The following CERS3 variants were observed in gnomAD, a reference collection of about 807,000 sequenced individuals.
CERS3 encodes the protein ceramide synthase 3.
CERS3 carries 33 observed loss-of-function variants against 50.3 expected under a neutral mutation model. The observed-to-expected ratio is 0.66, with a 90% CI of 0.50 to 0.88. The LOEUF (loss-of-function observed/expected upper bound fraction) is 0.88, where lower values mean the gene tolerates loss of function less well. Among genes scored for constraint, CERS3 ranks in the 40% least tolerant of loss-of-function variants. CERS3 has a pLI of 0.00. For missense variants in CERS3, 470 were observed against 460.3 expected, an observed-to-expected ratio of 1.02 and a Z score of -0.19; for synonymous variants, 176 against 155.2, an observed-to-expected ratio of 1.13 and a Z score of -0.99.
At position 100,461,158 on chromosome 15, in the gene CERS3, G is replaced by A. The variant is rs565715874; in HGVS notation, c.846-5112C>T. Among the ~76,000 whole-genome samples the A allele has an allele frequency of 7.2e-5, 11 of 152,276 alleles. No individual in the cohort carries two copies. The East Asian group carries it at 1.9e-3, about 27-fold the overall frequency. On this transcript the variant is annotated intron_variant, in intron 10 of 11. Coordinates refer to ENST00000679737, the MANE Select transcript of CERS3 (RefSeq NM_001378789.1). The stretch of plus-strand genomic sequence containing the variant: ...GTGACACATGTGGAACAGAATATCA[G>A]AGCTGGGTTCAAGGCTCAACACCAC...
intron 11 of CERS3, among the ~76,000 whole-genome samples, chr15:100,445,431 C>A (rs141156508): frequency 1.3e-3 from 202 of 152,342 alleles, no homozygotes; most frequent in African/African-American, 4.5e-3. Context: ...GGCTATGCTG[C>A]ACCTCCTTTG....
chr15:100,501,543 C>T (rs1388498631), intron 3 of CERS3, 134 bp downstream of exon 3: 6 of 706,672 alleles, frequency 8.5e-6, no homozygotes, highest in Non-Finnish European at 1.4e-5. Context: ...TAACTCATCC[C>T]CAGAATCTGT....
At chr15:100,526,901 G>T (rs959007952) in intron 1 of CERS3, among the ~76,000 whole-genome samples, 3 of 152,128 alleles carry the variant, frequency 2.0e-5, no homozygotes, top group African/African-American at 7.2e-5. Flanking sequence ...CCTATGGAAG[G>T]CATTTGACAT....
intron 4 of CERS3, among the ~76,000 whole-genome samples, chr15:100,487,972 A>G (rs2142290353): frequency 6.6e-6 from 1 of 152,346 alleles, no homozygotes; most frequent in Non-Finnish European, 1.5e-5. Context: ...GCTAGATAAT[A>G]AGTTCCACTG....
chr15:100,443,526 G>C (rs12912872), intron 11 of CERS3, among the ~76,000 whole-genome samples: 66,004 of 138,782 alleles, frequency 0.48, 13,960 homozygotes, highest in Non-Finnish European at 0.53. Context: ...ATCCATTATT[G>C]TGTTCTGGAT....
At chr15:100,507,798 C>CCAGCAG (rs975244519) in intron 2 of CERS3, among the ~76,000 whole-genome samples, 13 of 152,312 alleles carry the variant, frequency 8.5e-5, no homozygotes, top group South Asian at 2.1e-4. Context: ...ACAATGCTAT[C>CCAGCAG]CAGCAGCAGC....
At chr15:100,440,447 C>G (rs1029963458) in intron 11 of CERS3, among the ~76,000 whole-genome samples, 4 of 152,184 alleles carry the variant, frequency 2.6e-5, no homozygotes, top group Admixed American at 2.6e-4. Flanking sequence ...GAACAAACCC[C>G]CTTTTTCCTT....
chr15:100,491,952 C>A (rs913036118), intron 3 of CERS3, among the ~76,000 whole-genome samples: 4 of 151,130 alleles, frequency 2.6e-5, no homozygotes, highest in African/African-American at 9.7e-5. Context: ...TCTCCAACTC[C>A]TAGTCTTAAG....
chr15:100,497,328 G>GTGTA (rs1027678875), intron 3 of CERS3, among the ~76,000 whole-genome samples: 3 of 151,842 alleles, frequency 2.0e-5, no homozygotes, highest in African/African-American at 4.8e-5. Flanking sequence ...GTGTGTGTGT[G>GTGTA]TGTGTGTGTA....
At chr15:100,495,116 C>T (rs991825074) in intron 3 of CERS3, among the ~76,000 whole-genome samples, 2 of 152,182 alleles carry the variant, frequency 1.3e-5, no homozygotes, top group Admixed American at 6.5e-5. Context: ...GTAGTGCCTT[C>T]CAGAGAACCA....
At chr15:100,478,906 A>C (rs2142263281) in intron 7 of CERS3, among the ~76,000 whole-genome samples, 1 of 152,274 alleles carries the variant, frequency 6.6e-6, no homozygotes, top group African/African-American at 2.4e-5. Flanking sequence ...CAATAATAGC[A>C]ATGACTTCTA....
At chr15:100,405,005 C>G (rs1470407778) in intron 11 of CERS3, among the ~76,000 whole-genome samples, 1 of 152,044 alleles carries the variant, frequency 6.6e-6, no homozygotes, top group African/African-American at 2.4e-5. Context: ...AACTTTAAAA[C>G]TTTTAGAAGA....
intron 2 of CERS3, among the ~76,000 whole-genome samples, chr15:100,515,169 A>T (rs1251346740): frequency 6.6e-6 from 1 of 152,240 alleles, no homozygotes; most frequent in East Asian, 1.9e-4. Context: ...GGCTTGACAC[A>T]GATAATATGT....
chr15:100,448,464 C>T (rs2034026266), intron 11 of CERS3, among the ~76,000 whole-genome samples: 1 of 152,204 alleles, frequency 6.6e-6, no homozygotes, highest in Admixed American at 6.5e-5. Context: ...ATCCTAGCCA[C>T]AGGAGAGGCT....
chr15:100,534,039 T>C (rs987654680), intron 1 of CERS3, among the ~76,000 whole-genome samples: 3 of 152,242 alleles, frequency 2.0e-5, no homozygotes, highest in African/African-American at 4.8e-5. Context: ...CAGTGCTGTA[T>C]GCAGGCCAGA....
In CERS3 at chr15:100,433,190, C is replaced by T. The variant is rs544158089; in HGVS notation, c.999+22703G>A. Among the ~76,000 whole-genome samples, 85 of 150,680 alleles carry T rather than the reference C, an allele frequency of 5.6e-4. 1 individual carries two copies. Among genetic ancestry groups the T allele is most frequent in the African/African-American group, 1.8e-3 (74 of 40,782 alleles). ...GGCTGAGGTTGCAGCGAGCTGAGAT[C>T]GCACTGCTGCACTCTGGCCTGGGCA... On this transcript the variant is annotated intron_variant, in intron 11 of 11. Coordinates refer to ENST00000679737, the MANE Select transcript of CERS3 (RefSeq NM_001378789.1).
At chr15:100,466,793 C>T (rs867403356) in intron 10 of CERS3, among the ~76,000 whole-genome samples, 1 of 13,266 alleles carries the variant, frequency 7.5e-5, no homozygotes, top group Admixed American at 1.0e-3. Flanking sequence ...TCCTTCCTTC[C>T]TCCCTCCCTC....
intron 2 of CERS3, among the ~76,000 whole-genome samples, chr15:100,516,365 C>T (rs553391975): frequency 9.8e-4 from 150 of 152,334 alleles, no homozygotes; most frequent in African/African-American, 3.3e-3. Context: ...AGTCCTGTCA[C>T]TTAATAGCTG....
intron 11 of CERS3, among the ~76,000 whole-genome samples, chr15:100,433,718 CAT>C (rs1172974951): frequency 6.6e-6 from 1 of 152,242 alleles, no homozygotes; most frequent in Non-Finnish European, 1.5e-5. Flanking sequence ...CCCATGCACA[CAT>C]GTGCACACAC....
Sources: allele counts gnomAD v4.1 joint callset (sites outside exome capture counted in the v4.1 genomes callset), GRCh38; gene constraint gnomAD v4.1.1; transcripts MANE v1.5; gene names NCBI Gene and HGNC (gene_info 2026-07-23, HGNC 2026-07-21).